SLC35F3: variants seen among roughly 807,000 people sequenced by gnomAD.
SLC35F3 encodes solute carrier family 35 member F3, also known as putative thiamine transporter SLC35F3.
Under a neutral mutation model 49.9 loss-of-function variants are expected in SLC35F3, and 25 were observed. That is an observed-to-expected ratio of 0.50 (90% CI 0.37 to 0.70). The LOEUF (loss-of-function observed/expected upper bound fraction) is 0.70, where lower values mean the gene tolerates loss of function less well. Ranked by LOEUF, SLC35F3 falls within the 30% of genes least tolerant of loss-of-function variation. SLC35F3 has a pLI of 0.00. For missense variants in SLC35F3, 525 were observed against 639.8 expected, an observed-to-expected ratio of 0.82 and a Z score of 1.94; for synonymous variants, 275 against 265.4, an observed-to-expected ratio of 1.04 and a Z score of -0.35.
At chr1:233,984,241 G>C (rs1663231340) in intron 2 of SLC35F3, among the ~76,000 whole-genome samples, 1 of 152,108 alleles carries the variant, frequency 6.6e-6, no homozygotes, top group Admixed American at 6.6e-5. Context: ...GTAAGATTTG[G>C]GCTAAAACCC....
chr1:234,061,541 T>A (rs1157443263), intron 2 of SLC35F3, among the ~76,000 whole-genome samples: 2 of 152,158 alleles, frequency 1.3e-5, no homozygotes, highest in Non-Finnish European at 2.9e-5. Context: ...CTCCAAATAT[T>A]TTTTTCTGCT....
intron 2 of SLC35F3, among the ~76,000 whole-genome samples, chr1:234,034,806 A>G (rs1664117590): frequency 1.3e-5 from 2 of 152,204 alleles, no homozygotes; most frequent in African/African-American, 2.4e-5. Flanking sequence ...TATAGGCATG[A>G]GCCACTGTGC....
chr1:234,196,323 T>C (rs1666809445), intron 2 of SLC35F3, among the ~76,000 whole-genome samples: 1 of 152,252 alleles, frequency 6.6e-6, no homozygotes, highest in South Asian at 2.1e-4. Context: ...GCTGCAGAAC[T>C]GCCTCCAAGC....
Position 233,998,306 on chromosome 1 carries a change from T to A in SLC35F3, c.283+92548T>A, listed in dbSNP as rs538977538. Among the ~76,000 whole-genome samples the A allele has an allele frequency of 1.8e-4, 28 of 152,204 alleles. No individual in the cohort carries two copies. In the South Asian group the frequency reaches 5.8e-3, roughly 32 times the overall value. On this transcript the variant is annotated intron_variant, in intron 2 of 7. Coordinates refer to ENST00000366618, the MANE Select transcript of SLC35F3 (RefSeq NM_173508.4). ...CATTGGATATCAGGGATTTGTCATA[T>A]GTGTTGCAAATATGATAGCATCTAA... is the stretch of plus-strand genomic sequence containing the variant.
At chr1:234,053,591 A>C (rs1441836065) in intron 2 of SLC35F3, among the ~76,000 whole-genome samples, 1 of 151,976 alleles carries the variant, frequency 6.6e-6, no homozygotes, top group African/African-American at 2.4e-5. Flanking sequence ...TTCACTCTTT[A>C]TCCAGTTTGC....
chr1:234,272,012 G>T (rs922887643), intron 3 of SLC35F3, among the ~76,000 whole-genome samples: 3 of 152,184 alleles, frequency 2.0e-5, no homozygotes, highest in African/African-American at 7.2e-5. Flanking sequence ...TGTAGTGCCA[G>T]CTACTTGACA....
chr1:234,199,866 A>G (rs1349178516), intron 2 of SLC35F3, among the ~76,000 whole-genome samples: 2 of 152,248 alleles, frequency 1.3e-5, no homozygotes, highest in Non-Finnish European at 2.9e-5. Context: ...AAGAGATACA[A>G]ATGGTCAACA....
chr1:234,249,386 C>G (rs1303342410), intron 3 of SLC35F3, among the ~76,000 whole-genome samples: 2 of 152,190 alleles, frequency 1.3e-5, no homozygotes, highest in African/African-American at 4.8e-5. Context: ...CTAAAGGAGG[C>G]CGGGCTGTGT....
chr1:234,186,311 G>C (rs573074038), intron 2 of SLC35F3, among the ~76,000 whole-genome samples: 2 of 152,334 alleles, frequency 1.3e-5, no homozygotes, highest in South Asian at 2.1e-4. Context: ...GGCTTTGGCT[G>C]TCAAGACCAA....
intron 2 of SLC35F3, among the ~76,000 whole-genome samples, chr1:234,185,556 C>T (rs977451631): frequency 3.3e-5 from 5 of 152,180 alleles, no homozygotes; most frequent in Non-Finnish European, 7.3e-5. Context: ...CTTGGCTAGC[C>T]TGCCTTCACA....
intron 2 of SLC35F3, among the ~76,000 whole-genome samples, chr1:234,146,049 G>A (rs1326783223): frequency 6.6e-6 from 1 of 151,954 alleles, no homozygotes; most frequent in African/African-American, 2.4e-5. Flanking sequence ...ACATGTAGGT[G>A]GATCTTTTTT....
At chr1:233,945,134 G>A (rs923700358) in intron 2 of SLC35F3, among the ~76,000 whole-genome samples, 3 of 151,874 alleles carry the variant, frequency 2.0e-5, no homozygotes, top group Non-Finnish European at 2.9e-5. Context: ...TTCGGTTAGT[G>A]ATCATGTTGT....
rs533038293 is a variant in SLC35F3, at chr1:234,320,959, A to T, written c.1237+772A>T. The stretch of plus-strand genomic sequence containing the variant: ...GCTGTGAATCTGTCCTCCCCAGAAC[A>T]CTCACTCCTTTGTCCCTGGCACAGC... On this transcript the variant is annotated intron_variant, in intron 7 of 7. Transcript: ENST00000366618. This position sits in a 1 kb window ranked among gnomAD's most constrained non-coding sequence, Gnocchi z 4.8. Among the ~76,000 whole-genome samples, 2 of 150,882 alleles carry T rather than the reference A, an allele frequency of 1.3e-5. No individual in the cohort carries two copies. The highest frequency in any genetic ancestry group is 4.9e-5 in the African/African-American group (2 of 41,144).
At chr1:234,159,848 A>G (rs1343982105) in intron 2 of SLC35F3, among the ~76,000 whole-genome samples, 1 of 152,182 alleles carries the variant, frequency 6.6e-6, no homozygotes, top group Non-Finnish European at 1.5e-5. Context: ...CTACACAATC[A>G]TGGCAGAAAT....
intron 2 of SLC35F3, among the ~76,000 whole-genome samples, chr1:233,984,132 A>T (rs559884930): frequency 6.6e-6 from 1 of 152,072 alleles, no homozygotes; most frequent in Non-Finnish European, 1.5e-5. Context: ...CCAGGAAGGT[A>T]TTTTCTTCCC....
intron 2 of SLC35F3, among the ~76,000 whole-genome samples, chr1:234,018,566 G>A (rs577886031): frequency 5.9e-5 from 9 of 152,058 alleles, no homozygotes; most frequent in African/African-American, 1.5e-4. Context: ...ACAGGACATC[G>A]CCTCTTCCTT....
chr1:233,922,021 T>G (rs1662070672), intron 2 of SLC35F3, among the ~76,000 whole-genome samples: 1 of 152,180 alleles, frequency 6.6e-6, no homozygotes, highest in African/African-American at 2.4e-5. Context: ...ATGTGCCACG[T>G]TTTCTTTATC....
intron 3 of SLC35F3, among the ~76,000 whole-genome samples, chr1:234,262,895 G>T (rs1384288715): frequency 1.3e-5 from 2 of 152,194 alleles, no homozygotes; most frequent in Non-Finnish European, 2.9e-5. Flanking sequence ...GTCTCTATTA[G>T]GCAAACAGCC....
chr1:234,167,900 GCGCACTT>G (rs1666342653), intron 2 of SLC35F3, among the ~76,000 whole-genome samples: 1 of 152,196 alleles, frequency 6.6e-6, no homozygotes, highest in Non-Finnish European at 1.5e-5. Flanking sequence ...CCTGAGGTTG[GCGCACTT>G]TCTGGAATAA....
Sources: allele counts gnomAD v4.1 joint callset (sites outside exome capture counted in the v4.1 genomes callset), GRCh38; gene constraint gnomAD v4.1.1; non-coding constraint Gnocchi (gnomAD v3.1); transcripts MANE v1.5; gene names NCBI Gene and HGNC (gene_info 2026-07-23, HGNC 2026-07-21).